SIDT1: variants seen among roughly 807,000 people sequenced by gnomAD.
SIDT1 encodes the protein SID1 transmembrane family member 1, also known as SID1 transmembrane family, member 1.
Under a neutral mutation model 107.5 loss-of-function variants are expected in SIDT1, and 101 were observed. The observed-to-expected ratio is 0.94, with a 90% CI of 0.80 to 1.11. The LOEUF (loss-of-function observed/expected upper bound fraction) is 1.11. Among genes scored for constraint, SIDT1 ranks in the 50% least tolerant of loss-of-function variants. SIDT1 has a pLI of 0.00. For missense variants in SIDT1, 1,076 were observed against 1,058.2 expected, an observed-to-expected ratio of 1.02 and a Z score of -0.23; for synonymous variants, 395 against 398.2, an observed-to-expected ratio of 0.99 and a Z score of 0.10.
At chr3:113,563,925 G>A (rs1941671724) in intron 1 of SIDT1, among the ~76,000 whole-genome samples, 1 of 151,982 alleles carries the variant, frequency 6.6e-6, no homozygotes, top group Non-Finnish European at 1.5e-5. Context: ...ACGATCTTTG[G>A]TGTGTACTTC....
At chr3:113,591,854 A>G (rs1315734403) in intron 9 of SIDT1, among the ~76,000 whole-genome samples, 2 of 152,280 alleles carry the variant, frequency 1.3e-5, no homozygotes, top group Non-Finnish European at 2.9e-5. Context: ...TGTTCATAAC[A>G]GTATTACTCA....
At chr3:113,606,821 A>G (rs767276199) in intron 14 of SIDT1, 4 of 462,846 alleles carry the variant, frequency 8.6e-6, no homozygotes, top group Non-Finnish European at 1.6e-5. Flanking sequence ...GAGGGTACAC[A>G]GAATATTCCC....
At chr3:113,624,019 CCTTGAGT>C (rs1182024329) in intron 23 of SIDT1, among the ~76,000 whole-genome samples, 2 of 152,294 alleles carry the variant, frequency 1.3e-5, no homozygotes, top group East Asian at 3.9e-4. Flanking sequence ...CGGTCAAAAG[CCTTGAGT>C]AGTTCATCTT....
intron 3 of SIDT1, among the ~76,000 whole-genome samples, chr3:113,568,235 G>T (rs918782029): frequency 6.6e-6 from 1 of 151,932 alleles, no homozygotes; most frequent in Non-Finnish European, 1.5e-5. Flanking sequence ...ATAATCATGA[G>T]ATTTGGACAC....
intron 21 of SIDT1, among the ~76,000 whole-genome samples, chr3:113,620,140 A>T (rs1439113937): frequency 4.6e-5 from 7 of 152,054 alleles, no homozygotes; most frequent in Non-Finnish European, 1.0e-4. Context: ...CAGAATTTTC[A>T]TAAAGACTAC....
At chr3:113,546,983 A>G (rs543600851) in intron 1 of SIDT1, among the ~76,000 whole-genome samples, 1 of 152,268 alleles carries the variant, frequency 6.6e-6, no homozygotes, top group South Asian at 2.1e-4. Flanking sequence ...GGGCCTCACT[A>G]TGCTTTCTGC....
intron 23 of SIDT1, 145 bp downstream of exon 23, chr3:113,623,878 A>T: frequency 1.6e-6 from 1 of 629,122 alleles, no homozygotes; most frequent in Non-Finnish European, 2.8e-6. Flanking sequence ...AGCCGCACAC[A>T]AATGCACAAT....
At position 113,567,729 on chromosome 3, in the gene SIDT1, G is replaced by A. The variant is rs745744524; in HGVS notation, c.515+19G>A. ...AGCTCCGGTAAGCGGGACTTTCTCT[G>A]TTTACCTGTCTGTGTTTCCTGTGCT... On this transcript the variant is annotated intron_variant, in intron 3 of 24. Coordinates refer to ENST00000264852, the MANE Select transcript of SIDT1 (RefSeq NM_017699.3). 3.1e-6 allele frequency: 5 copies of A among 1,610,460 alleles called. No homozygotes were observed. In the South Asian group the frequency reaches 5.5e-5, roughly 18 times the overall value.
At chr3:113,562,626 C>T (rs935323882) in intron 1 of SIDT1, among the ~76,000 whole-genome samples, 4 of 152,146 alleles carry the variant, frequency 2.6e-5, no homozygotes, top group African/African-American at 9.7e-5. Flanking sequence ...GAGAAGGATA[C>T]ATTATTCCAT....
chr3:113,630,110 TTAAAAG>T (rs1947077486), downstream of SIDT1, among the ~76,000 whole-genome samples: 3 of 152,132 alleles, frequency 2.0e-5, no homozygotes, highest in South Asian at 6.2e-4. Context: ...ACTTCACTCT[TTAAAAG>T]GGAAAGGAAG....
intron 7 of SIDT1, 144 bp from the exon 8 acceptor site, chr3:113,584,554 T>C: frequency 1.6e-6 from 1 of 608,166 alleles, no homozygotes; most frequent in Non-Finnish European, 2.8e-6. Flanking sequence ...GGGGGTTACA[T>C]ATTCCTCCAG....
intron 1 of SIDT1, among the ~76,000 whole-genome samples, chr3:113,543,394 T>G (rs1321217529): frequency 1.3e-5 from 2 of 152,172 alleles, no homozygotes; most frequent in South Asian, 2.1e-4. Flanking sequence ...GTCTTCTCAC[T>G]GAGCACTTTT....
intron 18 of SIDT1, among the ~76,000 whole-genome samples, chr3:113,611,828 A>G (rs116386043): frequency 4.8e-4 from 73 of 151,422 alleles, no homozygotes; most frequent in African/African-American, 1.7e-3. Flanking sequence ...ATTCGCCCCC[A>G]CTTTAGACCC....
chr3:113,595,114 G>T lies in SIDT1; in HGVS notation c.1045+2066G>T, dbSNP rs1430895217. On this transcript the variant is annotated intron_variant, in intron 10 of 24. Coordinates refer to ENST00000264852, the MANE Select transcript of SIDT1 (RefSeq NM_017699.3). ...AAACCTACTTTCAGAATTAAGATTA[G>T]GTCCTCTTCTCTAAGACCAGAGTTT... 7.9e-5 allele frequency among the ~76,000 whole-genome samples: 12 copies of T among 152,164 alleles called. No individual in the cohort carries two copies. In the East Asian group the frequency reaches 2.3e-3, roughly 29 times the overall value.
chr3:113,578,667 G>A (rs1943103942), intron 4 of SIDT1, among the ~76,000 whole-genome samples: 1 of 151,858 alleles, frequency 6.6e-6, no homozygotes, highest in Non-Finnish European at 1.5e-5. Context: ...GGGCAACATA[G>A]CAAGACCCTG....
intron 1 of SIDT1, among the ~76,000 whole-genome samples, chr3:113,550,782 G>T (rs1940140441): frequency 6.6e-6 from 1 of 151,670 alleles, no homozygotes; most frequent in African/African-American, 2.4e-5. Flanking sequence ...TAAGTTCAGG[G>T]GTATATGTGC....
chr3:113,602,947 A>T, intron 11 of SIDT1, 58 bp from the exon 12 acceptor site: 1 of 1,583,456 alleles, frequency 6.3e-7, no homozygotes, highest in Non-Finnish European at 8.6e-7. Flanking sequence ...TGCAGAGACG[A>T]ATGGGCTCCG....
At position 113,604,983 on chromosome 3, in the gene SIDT1, G is replaced by A. The variant is rs764032212; in HGVS notation, c.1404+7G>A. 1 of 1,613,740 alleles carries A rather than the reference G, an allele frequency of 6.2e-7. No homozygotes were observed. The highest frequency in any genetic ancestry group is 8.5e-7 in the Non-Finnish European group (1 of 1,180,012). On this transcript the variant is annotated splice_region_variant and intron_variant, in intron 14 of 24. Coordinates refer to ENST00000264852, the MANE Select transcript of SIDT1 (RefSeq NM_017699.3). ...GGTCATTACCTATCAGACAGTAAGT[G>A]CTGCCCCAGCCCCAGCCCCAGAGTC...
At chr3:113,581,718 C>G (rs1181046244) in intron 6 of SIDT1, 1 of 359,060 alleles carries the variant, frequency 2.8e-6, no homozygotes, top group African/African-American at 2.1e-5. Context: ...ACTAAAAATA[C>G]AAAAATTAGC....
Sources: gnomAD v4.1 joint callset for allele counts (sites outside exome capture counted in the v4.1 genomes callset) on GRCh38, gnomAD v4.1.1 for gene constraint, MANE v1.5 for transcripts, NCBI Gene and HGNC (gene_info 2026-07-23, HGNC 2026-07-21) for gene names.